The following GNAS variants were observed in gnomAD, a reference collection of about 807,000 sequenced individuals.
The protein encoded by GNAS is protein ALEX.
A neutral mutation model predicts 54.5 loss-of-function variants in GNAS; 8 were observed. The ratio of observed to expected loss-of-function variants is 0.15; its 90% CI spans 0.09 to 0.26. GNAS has a LOEUF of 0.26. Among genes scored for constraint, GNAS ranks in the 10% least tolerant of loss-of-function variants. The pLI is 1.00. For missense variants in GNAS, 170 were observed against 529.8 expected (o/e 0.32, Z 6.67); for synonymous variants, 204 against 191.4 (o/e 1.07, Z -0.54).
At chr20:58,851,337 G>T (rs2086165003) in intron 1 of GNAS, among the ~76,000 whole-genome samples, 2 of 151,940 alleles carry the variant, frequency 1.3e-5, no homozygotes, top group East Asian at 3.9e-4. Flanking sequence ...GCGGTGGTTC[G>T]CCCGCCTGCA....
intron 1 of GNAS, among the ~76,000 whole-genome samples, chr20:58,874,674 C>T (rs550129011): frequency 1.3e-5 from 2 of 151,212 alleles, no homozygotes; most frequent in Admixed American, 1.3e-4. Flanking sequence ...CATCTTAGCT[C>T]CTGGCCTGCC....
intron 2 of GNAS, chr20:58,898,254 G>GT (rs1005107337): frequency 2.5e-4 from 38 of 149,108 alleles, no homozygotes; most frequent in South Asian, 4.3e-4. Flanking sequence ...TGGGTTTTTG[G>GT]TTTTTTTTTT....
At position 58,891,457 on chromosome 20, in the gene GNAS, C is replaced by T. The variant is rs2089295552; in HGVS notation, c.-270C>T. ...CAGCTCCTGCTCTGGTCCGCCTCGG[C>T]CCGGCGGCGGCCATCAGCCCCCTCG... On this transcript the variant is annotated 5_prime_UTR_variant, in exon 1 of 13. Coordinates refer to ENST00000371085, the MANE Select transcript of GNAS (RefSeq NM_000516.7). 1.3e-6 allele frequency: 1 copy of T among 765,172 alleles called. No individual in the cohort carries two copies. The highest frequency in any genetic ancestry group is 1.6e-6 in the Non-Finnish European group (1 of 630,570). The allele number at this position is 765,172 out of a possible 1,614,324, so 47.4% of individuals were successfully genotyped here. A position where few individuals can be genotyped will look rare whatever the true frequency, so the allele number is the denominator to read the frequency against.
In GNAS at chr20:58,840,891, G is replaced by C; in HGVS notation, c.43+5G>C. On this transcript the variant is annotated splice_donor_5th_base_variant and intron_variant, in intron 1 of 12. Coordinates refer to the GNAS transcript ENST00000306090. The surrounding 1 kb of genome is among the most constrained non-coding windows in gnomAD (Gnocchi z 6.0). ...TCCTTGTTTTCATGGATTCAGGTTAGTTGCCCACCGCTAAACTGGGGAGCC... is the reference window on the plus strand; with the variant it reads ...TCCTTGTTTTCATGGATTCAGGTTACTTGCCCACCGCTAAACTGGGGAGCC... The C allele has an allele frequency of 1.2e-6, 2 of 1,612,474 alleles. No homozygotes were observed. The highest frequency in any genetic ancestry group is 1.7e-6 in the Non-Finnish European group (2 of 1,179,838).
At chr20:58,840,547 G>C, upstream of GNAS, 1 of 1,613,256 alleles carries the variant, frequency 6.2e-7, no homozygotes, top group Non-Finnish European at 8.5e-7. The surrounding 1 kb of genome is among the most constrained non-coding windows in gnomAD (Gnocchi z 6.0). Flanking sequence ...ATCGCGGCCC[G>C]GTGGTGCCCA....
At chr20:58,904,433 T>C (rs2090903589) in intron 5 of GNAS, among the ~76,000 whole-genome samples, 1 of 152,372 alleles carries the variant, frequency 6.6e-6, no homozygotes. Context: ...TTCCTCTGGA[T>C]GCACGACACT....
intron 1 of GNAS, chr20:58,855,960 A>G (rs2086482162): frequency 2.9e-6 from 1 of 340,236 alleles, no homozygotes; most frequent in Non-Finnish European, 5.4e-6. Flanking sequence ...CGCTGTTCGC[A>G]CACTCTGGTG....
At chr20:58,874,082 A>T (rs2087635596) in intron 1 of GNAS, among the ~76,000 whole-genome samples, 1 of 152,218 alleles carries the variant, frequency 6.6e-6, no homozygotes, top group African/African-American at 2.4e-5. Context: ...GAGGCTGAAA[A>T]TTTCTGCACA....
In GNAS at chr20:58,848,738, C is replaced by T. The variant is rs148259982; in HGVS notation, c.43+7852C>T. On this transcript the variant is annotated intron_variant, in intron 1 of 12. Coordinates refer to the GNAS transcript ENST00000306090. The stretch of plus-strand genomic sequence containing the variant: ...CCCCAGTAAACCCACTAGCCGATCA[C>T]CCCCAGCTCTTACTATACCGGATTC... 1,880 of 393,882 alleles carry T rather than the reference C, an allele frequency of 4.8e-3. 23 individuals carry two copies. The highest frequency in any genetic ancestry group is 0.034 in the African/African-American group (1,651 of 48,614). 24.4% of individuals were successfully genotyped at this position (393,882 alleles called of 1,614,324 possible).
intron 1 of GNAS, chr20:58,855,160 GCT>G: frequency 1.9e-6 from 3 of 1,612,054 alleles, no homozygotes; most frequent in Non-Finnish European, 2.5e-6. Context: ...AAAGCCTCGC[GCT>G]CTCTCAAGGT....
In GNAS at chr20:58,897,221, G is replaced by A. The variant is rs570199472; in HGVS notation, c.212+1537G>A. ...GCATCACTTGTCACCAACCAATTCCGAAATTAATTCTTGACACACCCCTCG... is the reference window on the plus strand; with the variant it reads ...GCATCACTTGTCACCAACCAATTCCAAAATTAATTCTTGACACACCCCTCG... On this transcript the variant is annotated intron_variant, in intron 2 of 12. Coordinates refer to ENST00000371085, the MANE Select transcript of GNAS (RefSeq NM_000516.7). 1.1e-4 allele frequency among the ~76,000 whole-genome samples: 17 copies of A among 152,236 alleles called. 1 individual carries two copies. The South Asian group carries it at 3.3e-3, about 30-fold the overall frequency.
intron 1 of GNAS, chr20:58,848,945 A>C: frequency 2.5e-6 from 1 of 398,552 alleles, no homozygotes; most frequent in Non-Finnish European, 4.4e-6. Flanking sequence ...GAGTGGAAAA[A>C]AGGGGGAATA....
chr20:58,903,656 G>C lies in GNAS; in HGVS notation c.313-16G>C. The C allele has an allele frequency of 6.2e-7, 1 of 1,614,132 alleles. No homozygotes were observed. Among genetic ancestry groups the C allele is most frequent in the African/African-American group, 1.3e-5 (1 of 75,024 alleles). ...GCCAGTGCTGTTCCCTGACCGCTTTGCTAAATCATTTTCAGACCATTGTGG... is the reference window on the plus strand; with the variant it reads ...GCCAGTGCTGTTCCCTGACCGCTTTCCTAAATCATTTTCAGACCATTGTGG... On this transcript the variant is annotated splice_polypyrimidine_tract_variant and intron_variant, in intron 4 of 12. Transcript: ENST00000371085.
At chr20:58,847,085 T>A (rs2085967826) in intron 1 of GNAS, among the ~76,000 whole-genome samples, 1 of 152,174 alleles carries the variant, frequency 6.6e-6, no homozygotes, top group Non-Finnish European at 1.5e-5. Context: ...GCACAGGTGG[T>A]CAGAGGACAG....
chr20:58,847,389 G>A (rs1221328461), intron 1 of GNAS, among the ~76,000 whole-genome samples: 1 of 152,218 alleles, frequency 6.6e-6, no homozygotes, highest in Non-Finnish European at 1.5e-5. Context: ...GCCTCCACCG[G>A]CCAAGGCGGG....
At chr20:58,903,386 T>C in intron 3 of GNAS, 145 bp from the exon 4 acceptor site, 1 of 768,042 alleles carries the variant, frequency 1.3e-6, no homozygotes, top group Non-Finnish European at 2.3e-6. Flanking sequence ...TTTATTCAGC[T>C]ACCTCCAATC....
At chr20:58,861,427 A>G (rs2086776969) in intron 1 of GNAS, among the ~76,000 whole-genome samples, 1 of 152,202 alleles carries the variant, frequency 6.6e-6, no homozygotes, top group Non-Finnish European at 1.5e-5. Flanking sequence ...CTCTGGCCCT[A>G]ACACGCACCT....
intron 1 of GNAS, chr20:58,854,630 C>T (rs1326879310): frequency 3.3e-6 from 5 of 1,534,826 alleles, no homozygotes; most frequent in African/African-American, 1.4e-5. Flanking sequence ...ATCCCGACTC[C>T]GGGGCGGCCC....
rs373741261 is a variant in GNAS, at chr20:58,910,374, C to G, written c.1011C>G (p.Ala337=). The G allele has an allele frequency of 1.2e-6, 2 of 1,612,486 alleles. No homozygotes were observed. Among genetic ancestry groups the G allele is most frequent in the Non-Finnish European group, 1.7e-6 (2 of 1,178,546 alleles). ...EPGEDPRVTR[A]KYFIRDEFLR... is the part of the protein sequence containing the mutation. ...GAGAGGACCCACGCGTGACCCGGGC[C>G]AAGTACTTCATTCGAGATGAGTTTC... The change falls in exon 12 of 13, where the codon GCC becomes GCG. Residue 337 remains alanine, a synonymous_variant. Coordinates refer to ENST00000371085, the MANE Select transcript of GNAS (RefSeq NM_000516.7). This position sits in a 1 kb window ranked among gnomAD's most constrained non-coding sequence, Gnocchi z 5.8.
Sources: allele counts gnomAD v4.1 joint callset (sites outside exome capture counted in the v4.1 genomes callset), GRCh38; gene constraint gnomAD v4.1.1; non-coding constraint Gnocchi (gnomAD v3.1); transcripts MANE v1.5; gene names NCBI Gene and HGNC (gene_info 2026-07-23, HGNC 2026-07-21).